MYO1D: variants seen among roughly 807,000 people sequenced by gnomAD.
The protein encoded by MYO1D is unconventional myosin-Id.
MYO1D carries 83 observed loss-of-function variants against 122.0 expected under a neutral mutation model. That is an observed-to-expected ratio of 0.68 (90% CI 0.57 to 0.82). The LOEUF is 0.82. MYO1D is among the 40% of genes least tolerant of loss of function. The pLI, the probability that MYO1D is intolerant of heterozygous loss-of-function variation, is 0.00. For synonymous variants in MYO1D, 464 were observed against 446.9 expected (o/e 1.04, Z -0.48); for missense variants, 1,157 against 1,269.5 (o/e 0.91, Z 1.35).
chr17:32,771,050 A>G (rs528700845), intron 6 of MYO1D, 75 bp downstream of exon 6: 351 of 1,124,892 alleles, frequency 3.1e-4, no homozygotes, highest in Non-Finnish European at 4.3e-4. Flanking sequence ...AGGCTTGACC[A>G]GATAATTATT....
chr17:32,646,661 C>T (rs1403703017), intron 19 of MYO1D, among the ~76,000 whole-genome samples: 1 of 151,972 alleles, frequency 6.6e-6, no homozygotes, highest in Admixed American at 6.6e-5. Flanking sequence ...AAACAACAAA[C>T]GAAAACCTCA....
At chr17:32,816,323 GT>G (rs1446260915) in intron 1 of MYO1D, among the ~76,000 whole-genome samples, 2 of 152,148 alleles carry the variant, frequency 1.3e-5, no homozygotes, top group Admixed American at 1.3e-4. Context: ...ACCTGACCAG[GT>G]TAGGAAAGGC....
intron 1 of MYO1D, among the ~76,000 whole-genome samples, chr17:32,824,808 C>T (rs2090707030): frequency 6.6e-6 from 1 of 152,098 alleles, no homozygotes. Flanking sequence ...TATGGGTATG[C>T]ACAATTTCTC....
chr17:32,773,371 G>C (rs892725665), intron 4 of MYO1D, among the ~76,000 whole-genome samples: 1 of 152,170 alleles, frequency 6.6e-6, no homozygotes, highest in Non-Finnish European at 1.5e-5. Context: ...CGGGAAGACA[G>C]TCTTCCCTTG....
intron 20 of MYO1D, among the ~76,000 whole-genome samples, chr17:32,611,175 A>G (rs2087696406): frequency 1.3e-5 from 2 of 152,244 alleles, no homozygotes; most frequent in Admixed American, 1.3e-4. Context: ...CAATGGAATG[A>G]GCGCTAGAGA....
chr17:32,876,566 CCCGCACCCCAAAGCGG>C (rs977426183), intron 1 of MYO1D, among the ~76,000 whole-genome samples, 196 bp downstream of exon 1: 3 of 152,152 alleles, frequency 2.0e-5, no homozygotes, highest in Non-Finnish European at 4.4e-5. Flanking sequence ...CGACACGCCC[CCCGCACCCCAAAGCGG>C]CCGCACCCCA....
intron 19 of MYO1D, among the ~76,000 whole-genome samples, chr17:32,643,175 G>A (rs1567925418): frequency 1.3e-5 from 2 of 151,916 alleles, no homozygotes; most frequent in East Asian, 3.8e-4. Flanking sequence ...CATCTATTGA[G>A]ATAATCATGT....
At chr17:32,495,359 C>T (rs1037974260) in intron 21 of MYO1D, among the ~76,000 whole-genome samples, 4 of 152,262 alleles carry the variant, frequency 2.6e-5, no homozygotes, top group Non-Finnish European at 5.9e-5. Context: ...GCCTGTCACA[C>T]CCCGGCTGGT....
chr17:32,823,120 T>C (rs2090689390), intron 1 of MYO1D, among the ~76,000 whole-genome samples: 1 of 152,154 alleles, frequency 6.6e-6, no homozygotes, highest in Non-Finnish European at 1.5e-5. Context: ...CAATGAGATG[T>C]AAGTTGAGGG....
intron 21 of MYO1D, among the ~76,000 whole-genome samples, chr17:32,513,814 C>T (rs1236827480): frequency 6.6e-6 from 1 of 151,778 alleles, no homozygotes; most frequent in Admixed American, 6.6e-5. Context: ...ACCCCAAACG[C>T]CTTAAGATTT....
At chr17:32,811,729 GA>G (rs1176423506) in intron 1 of MYO1D, among the ~76,000 whole-genome samples, 15 of 146,558 alleles carry the variant, frequency 1.0e-4, no homozygotes, top group Non-Finnish European at 2.2e-4. Flanking sequence ...AGCTCCAAGA[GA>G]ATGGATCTTG....
chr17:32,780,677 C>T lies in MYO1D; in HGVS notation c.203G>A (p.Gly68Asp). ...AGGCGGTCTCTCATACAGCTCACGGCCTTTATACTGCTCAATTGTGTCTCT... is the reference window on the plus strand; with the variant it reads ...AGGCGGTCTCTCATACAGCTCACGGTCTTTATACTGCTCAATTGTGTCTCT... ...YGRDTIEQYK[G>D]RELYERPPHL... Residue 68 changes from glycine (G) to aspartate (D), a missense_variant, in exon 2 of 22, where the codon GGC (glycine) becomes GAC (aspartate). Physicochemically the swap from Gly to Asp is moderately conservative, Grantham distance 94 (BLOSUM62 -1). Coordinates refer to ENST00000318217, the MANE Select transcript of MYO1D (RefSeq NM_015194.3). 1.2e-6 allele frequency: 2 copies of T among 1,614,110 alleles called. No individual in the cohort carries two copies. Among genetic ancestry groups the T allele is most frequent in the Non-Finnish European group, 8.5e-7 (1 of 1,180,024 alleles).
intron 20 of MYO1D, among the ~76,000 whole-genome samples, chr17:32,611,341 A>C (rs1221743699): frequency 6.6e-6 from 1 of 152,236 alleles, no homozygotes; most frequent in Non-Finnish European, 1.5e-5. Context: ...ACTTTAGAAA[A>C]TTAAAGAATA....
intron 16 of MYO1D, among the ~76,000 whole-genome samples, chr17:32,681,080 GT>G (rs1184251065): frequency 6.6e-6 from 1 of 152,094 alleles, no homozygotes; most frequent in African/African-American, 2.4e-5. Context: ...TTGCATTTCT[GT>G]GGGATTGGTG....
chr17:32,582,052 A>G (rs959932662), intron 21 of MYO1D, among the ~76,000 whole-genome samples: 2 of 152,024 alleles, frequency 1.3e-5, no homozygotes, highest in African/African-American at 4.8e-5. Flanking sequence ...CTGGGATTAC[A>G]GACGTGAGGC....
At chr17:32,806,018 G>A (rs957618676) in intron 1 of MYO1D, among the ~76,000 whole-genome samples, 4 of 152,186 alleles carry the variant, frequency 2.6e-5, no homozygotes, top group Non-Finnish European at 5.9e-5. Flanking sequence ...CAGCACTTTG[G>A]GAGGCCAAGG....
intron 21 of MYO1D, among the ~76,000 whole-genome samples, chr17:32,542,957 T>C (rs1910885447): frequency 6.6e-6 from 1 of 152,204 alleles, no homozygotes; most frequent in African/African-American, 2.4e-5. Context: ...CCGGGCACGG[T>C]GGCTCACACC....
At chr17:32,677,096 C>CA (rs1248927825) in intron 16 of MYO1D, among the ~76,000 whole-genome samples, 2 of 152,194 alleles carry the variant, frequency 1.3e-5, no homozygotes, top group African/African-American at 4.8e-5. Flanking sequence ...AGGTGTGAGC[C>CA]ACCGTGCCCG....
chr17:32,705,919 G>A (rs1439463652), intron 16 of MYO1D, among the ~76,000 whole-genome samples: 3 of 152,056 alleles, frequency 2.0e-5, no homozygotes, highest in Non-Finnish European at 4.4e-5. Context: ...TCTCTTTGCC[G>A]GCCACCATGT....
Sources: allele counts gnomAD v4.1 joint callset (sites outside exome capture counted in the v4.1 genomes callset), GRCh38; gene constraint gnomAD v4.1.1; transcripts MANE v1.5; gene names NCBI Gene and HGNC (gene_info 2026-07-23, HGNC 2026-07-21).